GYPE: variants seen among roughly 807,000 people sequenced by gnomAD.
GYPE encodes the protein glycophorin-E.
In GYPE, 8 loss-of-function variants were observed where a neutral mutation model predicts 11.6. The ratio of observed to expected loss-of-function variants is 0.69; its 90% CI spans 0.41 to 1.25. The LOEUF is 1.25. Ranked by LOEUF, GYPE falls within the 50% of genes most tolerant of loss-of-function variation. The pLI, the probability that GYPE is intolerant of heterozygous loss-of-function variation, is 0.01. For synonymous variants in GYPE, 28 were observed against 29.6 expected (o/e 0.94, Z 0.18); for missense variants, 90 against 92.8 (o/e 0.97, Z 0.12).
At chr4:143,898,617 A>C (rs1378996878) in intron 1 of GYPE, among the ~76,000 whole-genome samples, 7 of 152,136 alleles carry the variant, frequency 4.6e-5, no homozygotes, top group Admixed American at 2.6e-4. Context: ...AGAAATTTTA[A>C]GTTTTCTCCA....
chr4:143,875,744 G>T (rs1743775548), intron 3 of GYPE, among the ~76,000 whole-genome samples: 1 of 152,020 alleles, frequency 6.6e-6, no homozygotes, highest in Non-Finnish European at 1.5e-5. Flanking sequence ...CAAGGCAGGT[G>T]GATCACTTGA....
intron 1 of GYPE, among the ~76,000 whole-genome samples, chr4:143,889,649 G>A (rs1045521761): frequency 1.2e-4 from 19 of 152,132 alleles, no homozygotes; most frequent in Middle Eastern, 3.2e-3. Context: ...CTATAGGTGC[G>A]CACCGCCATG....
At chr4:143,902,552 C>T (rs1744906845) in intron 1 of GYPE, among the ~76,000 whole-genome samples, 1 of 151,830 alleles carries the variant, frequency 6.6e-6, no homozygotes, top group Non-Finnish European at 1.5e-5. Flanking sequence ...TCTCTCTTCT[C>T]CCTTCTTGCC....
chr4:143,871,357 A>G lies in GYPE; in HGVS notation c.*905T>C, dbSNP rs1479063588. ...CAATGTTACAGGATGTTGTGGAACTATTCCTATTCTTCCATAAGTAGCCAC... is the reference window on the plus strand; with the variant it reads ...CAATGTTACAGGATGTTGTGGAACTGTTCCTATTCTTCCATAAGTAGCCAC... On this transcript the variant is annotated 3_prime_UTR_variant, in exon 4 of 4. Transcript: ENST00000358615. 1.3e-5 allele frequency: 2 copies of G among 152,164 alleles called. No homozygotes were observed. Among genetic ancestry groups the G allele is most frequent in the Non-Finnish European group, 1.5e-5 (1 of 68,040 alleles). The allele number at this position is 152,164 out of a possible 1,614,324, so 9.4% of individuals were successfully genotyped here.
intron 1 of GYPE, among the ~76,000 whole-genome samples, chr4:143,895,072 A>G (rs1744570949): frequency 6.6e-6 from 1 of 152,194 alleles, no homozygotes; most frequent in Admixed American, 6.5e-5. Context: ...AAAAACTGGA[A>G]GCATTCCCTT....
chr4:143,896,805 C>T (rs1301956891), intron 1 of GYPE, among the ~76,000 whole-genome samples: 8 of 152,156 alleles, frequency 5.3e-5, no homozygotes, highest in Admixed American at 2.6e-4. Context: ...GGCACATATA[C>T]ACCATGGAAT....
At chr4:143,892,226 GTCTATCAATTTTGTTGATC>G (rs1273292108) in intron 1 of GYPE, among the ~76,000 whole-genome samples, 3 of 152,176 alleles carry the variant, frequency 2.0e-5, no homozygotes, top group Admixed American at 6.5e-5. Context: ...CTTGCTAGCG[GTCTATCAATTTTGTTGATC>G]TTTTCAAAAA....
At chr4:143,876,225 C>A (rs781096469) in intron 3 of GYPE, among the ~76,000 whole-genome samples, 1 of 151,996 alleles carries the variant, frequency 6.6e-6, no homozygotes, top group Non-Finnish European at 1.5e-5. Flanking sequence ...GCAATCCTCC[C>A]ACTTCAGCCC....
intron 1 of GYPE, among the ~76,000 whole-genome samples, chr4:143,887,950 A>G: frequency 1.8e-5 from 2 of 109,432 alleles, no homozygotes; most frequent in Non-Finnish European, 3.8e-5. Context: ...AGAAAATGAA[A>G]TATTCAATAT....
At chr4:143,874,706 C>T (rs1743732018) in intron 3 of GYPE, among the ~76,000 whole-genome samples, 1 of 152,170 alleles carries the variant, frequency 6.6e-6, no homozygotes, top group Non-Finnish European at 1.5e-5. Context: ...CATTGGGACC[C>T]CAGGTCCTTT....
intron 1 of GYPE, among the ~76,000 whole-genome samples, chr4:143,897,429 G>A (rs1233700836): frequency 3.9e-5 from 6 of 152,046 alleles, no homozygotes; most frequent in East Asian, 3.9e-4. Context: ...TGACTGTGCC[G>A]TTGCAGTCCA....
intron 1 of GYPE, among the ~76,000 whole-genome samples, chr4:143,884,166 G>A (rs184415400): frequency 7.9e-4 from 114 of 144,026 alleles, no homozygotes; most frequent in African/African-American, 2.7e-3. Context: ...ACCCTTTTCC[G>A]TGTCCTAAAT....
chr4:143,891,624 G>C (rs1744410651), intron 1 of GYPE, among the ~76,000 whole-genome samples: 1 of 151,822 alleles, frequency 6.6e-6, no homozygotes, highest in South Asian at 2.1e-4. Flanking sequence ...CACTGCACCT[G>C]GCCTATTTTG....
chr4:143,872,900 G>T (rs1488737979), intron 3 of GYPE, among the ~76,000 whole-genome samples: 2 of 152,076 alleles, frequency 1.3e-5, no homozygotes, highest in Non-Finnish European at 1.5e-5. Context: ...GGCAGGCCAG[G>T]TGAGCTGAGC....
intron 1 of GYPE, among the ~76,000 whole-genome samples, chr4:143,901,987 C>G (rs1021219118): frequency 3.3e-5 from 5 of 152,068 alleles, no homozygotes; most frequent in East Asian, 1.9e-4. Flanking sequence ...TCCAGCTCAT[C>G]TCAGGCTGAA....
intron 2 of GYPE, among the ~76,000 whole-genome samples, chr4:143,879,080 T>C (rs1743920872): frequency 6.6e-6 from 1 of 152,190 alleles, no homozygotes; most frequent in Non-Finnish European, 1.5e-5. Flanking sequence ...AGAGGGATCA[T>C]GCGGCCATCA....
At chr4:143,895,988 C>G (rs914486888) in intron 1 of GYPE, among the ~76,000 whole-genome samples, 3 of 152,070 alleles carry the variant, frequency 2.0e-5, no homozygotes, top group African/African-American at 7.2e-5. Context: ...CTTCCTTACA[C>G]TTTATACAAA....
intron 1 of GYPE, among the ~76,000 whole-genome samples, chr4:143,889,242 C>T (rs1406929748): frequency 1.3e-5 from 2 of 152,032 alleles, no homozygotes. Flanking sequence ...TACTATCCAG[C>T]TTCTGGTCAT....
chr4:143,897,564 C>A (rs1188767887), intron 1 of GYPE, among the ~76,000 whole-genome samples: 5 of 152,134 alleles, frequency 3.3e-5, no homozygotes, highest in Non-Finnish European at 5.9e-5. Flanking sequence ...TTATTTCAGA[C>A]AAGTGTGTGT....
Sources: gnomAD v4.1 joint callset for allele counts (sites outside exome capture counted in the v4.1 genomes callset) on GRCh38, gnomAD v4.1.1 for gene constraint, MANE v1.5 for transcripts, NCBI Gene and HGNC (gene_info 2026-07-23, HGNC 2026-07-21) for gene names.